The following RIMS1 variants were observed in gnomAD, a reference collection of about 807,000 sequenced individuals.
RIMS1 encodes the protein regulating synaptic membrane exocytosis protein 1.
In RIMS1, 83 loss-of-function variants were observed where a neutral mutation model predicts 214.1. The ratio of observed to expected loss-of-function variants is 0.39; its 90% CI spans 0.32 to 0.47. The LOEUF (loss-of-function observed/expected upper bound fraction) is 0.47, where lower values mean the gene tolerates loss of function less well. Among genes scored for constraint, RIMS1 ranks in the 20% least tolerant of loss-of-function variants. The probability of loss-of-function intolerance (pLI) is 0.99; values close to 1 mark genes in which losing one functional copy is unlikely to be tolerated. For synonymous variants in RIMS1, 793 were observed against 786.8 expected (o/e 1.01, Z -0.13); for missense variants, 2,050 against 2,161.8 (o/e 0.95, Z 1.03).
At chr6:72,266,712 C>T (rs1056556672) in intron 22 of RIMS1, among the ~76,000 whole-genome samples, 7 of 152,044 alleles carry the variant, frequency 4.6e-5, no homozygotes, top group Non-Finnish European at 4.4e-5. Context: ...TTGTGTTACA[C>T]TATCTCCTAG....
At chr6:72,109,250 G>A (rs577562415) in intron 4 of RIMS1, among the ~76,000 whole-genome samples, 7 of 152,136 alleles carry the variant, frequency 4.6e-5, no homozygotes, top group African/African-American at 7.2e-5. Context: ...GGTATTTCTA[G>A]TTCTAGATCC....
rs1479521698 is a variant in RIMS1, at chr6:72,230,409, C to G, written c.1679-3364C>G. On this transcript the variant is annotated intron_variant, in intron 6 of 33. Transcript: ENST00000521978. Reference sequence around the variant, plus strand: ...ACCTGCACATTAGGTACACATTCCACTTGGTCAAGTAGAGCTGTCATGTAA... The same window carrying G: ...ACCTGCACATTAGGTACACATTCCAGTTGGTCAAGTAGAGCTGTCATGTAA... 2.6e-5 allele frequency among the ~76,000 whole-genome samples: 4 copies of G among 151,594 alleles called. No homozygotes were observed. The East Asian group carries it at 7.7e-4, about 29-fold the overall frequency.
intron 17 of RIMS1, 43 bp downstream of exon 17, chr6:72,258,324 T>G: frequency 6.5e-7 from 1 of 1,541,962 alleles, no homozygotes; most frequent in Non-Finnish European, 8.9e-7. Context: ...AGTACATTTT[T>G]ATTATAATGC....
At chr6:72,327,982 T>A (rs2096536243) in intron 28 of RIMS1, among the ~76,000 whole-genome samples, 1 of 151,846 alleles carries the variant, frequency 6.6e-6, no homozygotes, top group African/African-American at 2.4e-5. Flanking sequence ...TAAAATACCA[T>A]TCTACTATAA....
chr6:72,301,466 A>G (rs762151873), intron 26 of RIMS1, among the ~76,000 whole-genome samples: 8 of 151,708 alleles, frequency 5.3e-5, no homozygotes, highest in Non-Finnish European at 1.0e-4. Flanking sequence ...GGGTTCCACA[A>G]TGGTGGCTTT....
intron 6 of RIMS1, among the ~76,000 whole-genome samples, chr6:72,201,471 A>C (rs973317177): frequency 1.3e-5 from 2 of 152,188 alleles, no homozygotes; most frequent in Non-Finnish European, 2.9e-5. Context: ...TTATCCAGTG[A>C]ATGAAAAGGT....
In RIMS1 at chr6:72,310,924, G is replaced by T. The variant is rs546110067; in HGVS notation, c.3964-2582G>T. On this transcript the variant is annotated intron_variant, in intron 27 of 33. Transcript: ENST00000521978. ...AAAAATGTATTATGACATAATTTTT[G>T]AAATCCCTTTTTGTCCACTTTCTGG... Among the ~76,000 whole-genome samples, 5 of 152,044 alleles carry T rather than the reference G, an allele frequency of 3.3e-5. No homozygotes were observed. The South Asian group carries it at 1.0e-3, about 32-fold the overall frequency.
At chr6:72,018,790 T>G (rs1158347689) in intron 2 of RIMS1, among the ~76,000 whole-genome samples, 1 of 152,188 alleles carries the variant, frequency 6.6e-6, no homozygotes, top group Non-Finnish European at 1.5e-5. Context: ...GGCCATTTGG[T>G]TCAGCAATAT....
intron 2 of RIMS1, among the ~76,000 whole-genome samples, chr6:72,038,760 A>C (rs75709089): frequency 0.012 from 1,752 of 152,202 alleles, 9 homozygotes; most frequent in Non-Finnish European, 0.017. Flanking sequence ...AATAACAAGG[A>C]TATGTCTCGC....
chr6:72,233,506 T>G (rs1249864562), intron 6 of RIMS1, among the ~76,000 whole-genome samples: 1 of 121,966 alleles, frequency 8.2e-6, no homozygotes. Flanking sequence ...ATTAACCCTG[T>G]TTTTTTTTTT....
At chr6:71,913,914 G>T (rs972666588) in intron 1 of RIMS1, among the ~76,000 whole-genome samples, 1 of 152,078 alleles carries the variant, frequency 6.6e-6, no homozygotes, top group Non-Finnish European at 1.5e-5. Context: ...CCTTATGATA[G>T]CTAAAAGAGT....
At chr6:72,071,291 C>T (rs1274590443) in intron 2 of RIMS1, among the ~76,000 whole-genome samples, 1 of 151,990 alleles carries the variant, frequency 6.6e-6, no homozygotes, top group Non-Finnish European at 1.5e-5. Flanking sequence ...GTCCCAGCTG[C>T]TTGGGAGGCT....
At chr6:72,093,779 T>C (rs114832336) in intron 2 of RIMS1, among the ~76,000 whole-genome samples, 1,636 of 152,276 alleles carry the variant, frequency 0.011, 27 homozygotes, top group African/African-American at 0.037. Flanking sequence ...TTCCGTATTT[T>C]TTCCGCTACT....
chr6:72,232,489 C>A (rs923286998), intron 6 of RIMS1, among the ~76,000 whole-genome samples: 5 of 151,438 alleles, frequency 3.3e-5, no homozygotes, highest in African/African-American at 4.8e-5. Flanking sequence ...AGAGATTTAT[C>A]TTTTTTGGCA....
At chr6:71,896,278 A>C (rs1221283044) in intron 1 of RIMS1, among the ~76,000 whole-genome samples, 2 of 152,222 alleles carry the variant, frequency 1.3e-5, no homozygotes, top group East Asian at 3.8e-4. Flanking sequence ...TTCAATTTAC[A>C]GCTGTCTGCA....
intron 1 of RIMS1, among the ~76,000 whole-genome samples, chr6:71,903,067 G>A (rs758322810): frequency 3.9e-5 from 6 of 152,102 alleles, no homozygotes; most frequent in Admixed American, 2.6e-4. Flanking sequence ...TGGGTCAAAT[G>A]CTATTTCTGA....
intron 5 of RIMS1, among the ~76,000 whole-genome samples, chr6:72,181,414 A>G (rs116609003): frequency 6.6e-6 from 1 of 152,242 alleles, no homozygotes; most frequent in South Asian, 2.1e-4. Flanking sequence ...AGAGACAAAA[A>G]TACTGAAGCT....
intron 2 of RIMS1, among the ~76,000 whole-genome samples, chr6:72,011,254 G>T (rs1167733001): frequency 1.3e-5 from 2 of 152,180 alleles, no homozygotes; most frequent in Non-Finnish European, 1.5e-5. Context: ...AATAAATGGT[G>T]CTGGGAAAAC....
At chr6:72,198,451 AT>A (rs1667622519) in intron 6 of RIMS1, among the ~76,000 whole-genome samples, 1 of 152,040 alleles carries the variant, frequency 6.6e-6, no homozygotes, top group South Asian at 2.1e-4. Context: ...AATAGAATTG[AT>A]TTCATGGAGG....
Sources: gnomAD v4.1 joint callset for allele counts (sites outside exome capture counted in the v4.1 genomes callset) on GRCh38, gnomAD v4.1.1 for gene constraint, MANE v1.5 for transcripts, NCBI Gene and HGNC (gene_info 2026-07-23, HGNC 2026-07-21) for gene names.